Variants in CMYA5 observed in about 807,000 individuals in gnomAD.
The protein encoded by CMYA5 is cardiomyopathy-associated protein 5.
A neutral mutation model predicts 318.9 loss-of-function variants in CMYA5; 246 were observed. The observed-to-expected ratio is 0.77, with a 90% CI of 0.70 to 0.86. The LOEUF (loss-of-function observed/expected upper bound fraction) is 0.86, where lower values mean the gene tolerates loss of function less well. Ranked by LOEUF, CMYA5 falls within the 40% of genes least tolerant of loss-of-function variation. CMYA5 has a pLI of 0.00. For missense variants in CMYA5, 4,589 were observed against 4,678.2 expected, an observed-to-expected ratio of 0.98 and a Z score of 0.56; for synonymous variants, 1,641 against 1,729.5, an observed-to-expected ratio of 0.95 and a Z score of 1.27.
rs771484541 is a variant in CMYA5, at chr5:79,793,521, A to G, written c.11874A>G (p.Arg3958=). 1 of 1,613,680 alleles carries G rather than the reference A, an allele frequency of 6.2e-7. No individual in the cohort carries two copies. The highest frequency in any genetic ancestry group is 1.7e-5 in the Admixed American group (1 of 59,988). The stretch of plus-strand genomic sequence containing the variant: ...CAGTCACAGACTGCCCAGCATATCG[A>G]CTCGGCATCTGCTCCAGCTCGGCTG... ...ETTVTDCPAY[R]LGICSSSAVQ... The change falls in exon 12 of 13, where the codon CGA becomes CGG. Residue 3958 remains arginine, a synonymous_variant. Transcript: ENST00000446378.
chr5:79,731,890 A>G lies in CMYA5; in HGVS notation c.3125A>G (p.Asp1042Gly), dbSNP rs775190322. 1.2e-6 allele frequency: 2 copies of G among 1,613,552 alleles called. No individual in the cohort carries two copies. The highest frequency in any genetic ancestry group is 2.2e-5 in the South Asian group (2 of 90,980). The change falls in exon 2 of 13, where the codon GAT (aspartate) becomes GGT (glycine). Residue 1042 changes from aspartate (D) to glycine (G), a missense_variant. Transcript: ENST00000446378. ...GGTTATTCCTGCTTTTCAGAAGCAGATGAGGAAGACATTGGATCCACAGCT... is the reference window on the plus strand; with the variant it reads ...GGTTATTCCTGCTTTTCAGAAGCAGGTGAGGAAGACATTGGATCCACAGCT... ...ASGYSCFSEA[D>G]EEDIGSTAAT...
chr5:79,753,850 T>C (rs1828478926), intron 6 of CMYA5, among the ~76,000 whole-genome samples: 1 of 152,252 alleles, frequency 6.6e-6, no homozygotes, highest in African/African-American at 2.4e-5. Flanking sequence ...TCAAAGTGTT[T>C]TCTTGTAATG....
In CMYA5 at chr5:79,752,673, T is replaced by C. The variant is rs7722037; in HGVS notation, c.10992-3T>C. On this transcript the variant is annotated splice_polypyrimidine_tract_variant and splice_region_variant and intron_variant, in intron 5 of 12. Transcript: ENST00000446378. ...ACTTATGTAGAGCTCTATTCCCCGA[T>C]AGGTTGCTTTCTGCAATGGAGAGCA... 3.2e-4 allele frequency: 515 copies of C among 1,602,490 alleles called. 2 individuals carry two copies. The African/African-American group carries it at 6.1e-3, about 19-fold the overall frequency.
chr5:79,751,222 G>A (rs1005186480), intron 5 of CMYA5, among the ~76,000 whole-genome samples: 23 of 152,174 alleles, frequency 1.5e-4, no homozygotes, highest in Non-Finnish European at 2.8e-4. Context: ...CAGTGGGTAT[G>A]AAAGGCTCTT....
At position 79,735,896 on chromosome 5, in the gene CMYA5, A is replaced by T. The variant is rs775273547; in HGVS notation, c.7131A>T (p.Ser2377=). The change falls in exon 2 of 13, where the codon TCA becomes TCT. Residue 2377 remains serine, a synonymous_variant. Transcript: ENST00000446378. ...ATCAAAAACAAAAATCACTCCTTTC[A>T]TTTGATGTAGTAGATAAGGTGCCAC... The part of the protein sequence containing the change: ...RSDQKQKSLL[S]FDVVDKVPQQ... 6.3e-7 allele frequency: 1 copy of T among 1,587,888 alleles called. No homozygotes were observed. The highest frequency in any genetic ancestry group is 1.2e-5 in the South Asian group (1 of 85,738).
At chr5:79,696,262 C>T (rs1827064236) in intron 1 of CMYA5, among the ~76,000 whole-genome samples, 1 of 152,214 alleles carries the variant, frequency 6.6e-6, no homozygotes, top group Non-Finnish European at 1.5e-5. Flanking sequence ...CCTTCTGTGA[C>T]TTGTCAGAAA....
In CMYA5 at chr5:79,733,386, G is replaced by T. The variant is rs1219659891; in HGVS notation, c.4621G>T (p.Glu1541Ter). Residue 1541 changes from glutamate (E) to a stop codon, truncating the protein, a stop_gained, in exon 2 of 13, where the codon GAA becomes TAA. Transcript: ENST00000446378. LOFTEE classifies it high-confidence loss of function. ...LSLWGEIKKK[E>*]TELPSSQNVS... ...CCTATGGGGTGAGATAAAGAAGAAA[G>T]AAACTGAACTTCCTTCATCACAAAA... 6.2e-7 allele frequency: 1 copy of T among 1,613,460 alleles called. No individual in the cohort carries two copies.
At chr5:79,746,547 T>TAAAAAAAAAAAAAA (rs11423461) in intron 4 of CMYA5, among the ~76,000 whole-genome samples, 1 of 68,908 alleles carries the variant, frequency 1.5e-5, no homozygotes, top group Non-Finnish European at 2.8e-5. Context: ...GAGCAAACTG[T>TAAAAAAAAAAAAAA]AAAAAAAAAA....
intron 10 of CMYA5, 55 bp downstream of exon 10, chr5:79,789,159 C>T (rs971444370): frequency 6.2e-7 from 1 of 1,602,194 alleles, no homozygotes; most frequent in Non-Finnish European, 8.5e-7. Context: ...TTCCCTTCCA[C>T]CCCTCAGAGA....
intron 1 of CMYA5, among the ~76,000 whole-genome samples, chr5:79,724,019 T>TA (rs1040323882): frequency 6.6e-6 from 1 of 152,028 alleles, no homozygotes; most frequent in South Asian, 2.1e-4. Flanking sequence ...CATAGTTTCA[T>TA]AAAAAATTTT....
At chr5:79,789,141 G>C (rs752036818) in intron 10 of CMYA5, 37 bp downstream of exon 10, 4 of 1,609,778 alleles carry the variant, frequency 2.5e-6, no homozygotes, top group Non-Finnish European at 3.4e-6. Context: ...CTATTTCCAA[G>C]CTATTTCTTC....
At chr5:79,720,428 ATTTTTTTTTT>A (rs1159659122) in intron 1 of CMYA5, among the ~76,000 whole-genome samples, 6 of 44,812 alleles carry the variant, frequency 1.3e-4, no homozygotes, top group African/African-American at 3.7e-4. Context: ...TGCCAATCTA[ATTTTTTTTTT>A]TTTTTTTTTT....
intron 1 of CMYA5, among the ~76,000 whole-genome samples, chr5:79,693,108 A>G (rs1218068769): frequency 6.6e-6 from 1 of 152,210 alleles, no homozygotes; most frequent in Non-Finnish European, 1.5e-5. Context: ...AGCCTTCATC[A>G]TTGGAGCAGT....
At chr5:79,775,284 G>C (rs1026859938) in intron 9 of CMYA5, among the ~76,000 whole-genome samples, 2 of 152,108 alleles carry the variant, frequency 1.3e-5, no homozygotes, top group East Asian at 3.9e-4. Flanking sequence ...ACACCTCCTA[G>C]TTGTACAGTA....
chr5:79,708,542 G>A (rs991099595), intron 1 of CMYA5, among the ~76,000 whole-genome samples: 16 of 151,190 alleles, frequency 1.1e-4, no homozygotes, highest in Admixed American at 4.0e-4. Flanking sequence ...GGACAATGGC[G>A]TGAACCCAGG....
rs1450422316 is a variant in CMYA5 at position 79,732,208 on chromosome 5, C to G, written c.3443C>G (p.Ala1148Gly). ...GEREASSSVA[A>G]IPAALPAQSS... ...AGGGAGGCAAGTTCATCAGTAGCTG[C>G]AATACCTGCTGCTTTACCTGCACAA... The change falls in exon 2 of 13, where the codon GCA (alanine) becomes GGA (glycine). Residue 1148 changes from alanine (A) to glycine (G), a missense_variant. Coordinates refer to ENST00000446378, the MANE Select transcript of CMYA5 (RefSeq NM_153610.5). The G allele has an allele frequency of 6.2e-7, 1 of 1,613,904 alleles. No individual in the cohort carries two copies. The highest frequency in any genetic ancestry group is 1.1e-5 in the South Asian group (1 of 91,078).
At chr5:79,778,415 G>T (rs1357159196) in intron 9 of CMYA5, among the ~76,000 whole-genome samples, 1 of 152,222 alleles carries the variant, frequency 6.6e-6, no homozygotes, top group South Asian at 2.1e-4. Flanking sequence ...TTATACCCTT[G>T]CCTAAACATT....
rs764139289 is a variant in CMYA5 at position 79,738,616 on chromosome 5, G to A, written c.9851G>A (p.Gly3284Glu). Residue 3284 changes from glycine to glutamate, a missense_variant, in exon 2 of 13, where the codon GGA (glycine) becomes GAA (glutamate). Coordinates refer to ENST00000446378, the MANE Select transcript of CMYA5 (RefSeq NM_153610.5). The part of the protein sequence containing the change: ...QPIAAEGEIW[G>E]KFGTICREKS... The stretch of plus-strand genomic sequence containing the variant: ...ATAGCTGCAGAAGGGGAAATTTGGG[G>A]AAAGTTTGGAACTATTTGCAGGGAG... 6.2e-7 allele frequency: 1 copy of A among 1,613,858 alleles called. No individual in the cohort carries two copies. The highest frequency in any genetic ancestry group is 1.1e-5 in the South Asian group (1 of 91,084).
Position 79,736,871 on chromosome 5 carries a change from A to G in CMYA5, c.8106A>G (p.Ala2702=), listed in dbSNP as rs752057094. ...ETVKQGFQEK[A]VGTQPRPLEE... is the part of the protein sequence containing the mutation. Reference sequence around the variant, plus strand: ...TGAAACAAGGATTTCAAGAAAAGGCAGTAGGAACCCAACCACGTCCTTTAG... The same window carrying G: ...TGAAACAAGGATTTCAAGAAAAGGCGGTAGGAACCCAACCACGTCCTTTAG... Residue 2702 remains alanine (A), a synonymous_variant, in exon 2 of 13, where the codon GCA becomes GCG. Transcript: ENST00000446378. 3 of 1,613,262 alleles carry G rather than the reference A, an allele frequency of 1.9e-6. No homozygotes were observed. The highest frequency in any genetic ancestry group is 1.3e-5 in the African/African-American group (1 of 74,724).
Sources: allele counts gnomAD v4.1 joint callset (sites outside exome capture counted in the v4.1 genomes callset), GRCh38; gene constraint gnomAD v4.1.1; transcripts MANE v1.5; gene names NCBI Gene and HGNC (gene_info 2026-07-23, HGNC 2026-07-21).